Variants in GREM2 observed in about 807,000 individuals in gnomAD.
GREM2 encodes gremlin-2.
GREM2 carries 11 observed loss-of-function variants against 14.2 expected under a neutral mutation model. The ratio of observed to expected loss-of-function variants is 0.78; its 90% CI spans 0.49 to 1.28. GREM2 has a LOEUF of 1.28. GREM2 is among the 50% of genes most tolerant of loss of function. The probability of loss-of-function intolerance (pLI) is 0.00; values close to 1 mark genes in which losing one functional copy is unlikely to be tolerated. For synonymous variants in GREM2, 98 were observed against 97.6 expected (o/e 1.00, Z -0.02); for missense variants, 210 against 218.5 (o/e 0.96, Z 0.24).
intron 1 of GREM2, among the ~76,000 whole-genome samples, chr1:240,568,982 T>G (rs963507023): frequency 1.3e-5 from 2 of 151,948 alleles, no homozygotes; most frequent in Non-Finnish European, 2.9e-5. Flanking sequence ...ACCCAGAAGT[T>G]TGAGGCTGCA....
intron 1 of GREM2, among the ~76,000 whole-genome samples, chr1:240,511,245 T>A (rs1677819029): frequency 6.6e-6 from 1 of 152,140 alleles, no homozygotes; most frequent in African/African-American, 2.4e-5. Flanking sequence ...AGGTTCCACA[T>A]CTGCCTATCA....
intron 1 of GREM2, among the ~76,000 whole-genome samples, chr1:240,520,865 G>A (rs1014937793): frequency 1.5e-5 from 2 of 134,766 alleles, no homozygotes; most frequent in Non-Finnish European, 3.2e-5. Flanking sequence ...TTTTACATAT[G>A]TTTATCTTTT....
rs1050531997 is a variant in GREM2, at chr1:240,542,621, A to C, written c.-1-49145T>G. 2.0e-5 allele frequency among the ~76,000 whole-genome samples: 3 copies of C among 151,726 alleles called. No homozygotes were observed. In the South Asian group the frequency reaches 6.2e-4, roughly 31 times the overall value. On this transcript the variant is annotated intron_variant, in intron 1 of 1. Transcript: ENST00000318160. This position sits in a 1 kb window ranked among gnomAD's most constrained non-coding sequence, Gnocchi z 4.1. Reference sequence around the variant, plus strand: ...AGAGCGAGACTCCATCTCAAAAATAAATAAATAAATAAATAAATAAAAATT... The same window carrying C: ...AGAGCGAGACTCCATCTCAAAAATACATAAATAAATAAATAAATAAAAATT...
At chr1:240,606,807 T>TA (rs1680034867) in intron 1 of GREM2, among the ~76,000 whole-genome samples, 1 of 151,820 alleles carries the variant, frequency 6.6e-6, no homozygotes, top group Non-Finnish European at 1.5e-5. Context: ...GCCTCCCAAG[T>TA]AGCTGGGATT....
At chr1:240,516,127 CTTT>C (rs34728833) in intron 1 of GREM2, among the ~76,000 whole-genome samples, 2 of 143,506 alleles carry the variant, frequency 1.4e-5, no homozygotes, top group African/African-American at 2.6e-5. Flanking sequence ...CCAACCCTGA[CTTT>C]TTTTTTTTTT....
chr1:240,528,460 C>T (rs1478526363), intron 1 of GREM2, among the ~76,000 whole-genome samples: 1 of 152,034 alleles, frequency 6.6e-6, no homozygotes, highest in Non-Finnish European at 1.5e-5. Context: ...TCTCCAAACC[C>T]TAATATTTTA....
chr1:240,586,193 C>T (rs977673969), intron 1 of GREM2, among the ~76,000 whole-genome samples: 2 of 152,174 alleles, frequency 1.3e-5, no homozygotes, highest in South Asian at 2.1e-4. Context: ...AAATCATCTC[C>T]GGAGGATAGA....
intron 1 of GREM2, among the ~76,000 whole-genome samples, chr1:240,564,971 GTGT>G (rs1486358514): frequency 6.6e-6 from 1 of 152,218 alleles, no homozygotes; most frequent in Non-Finnish European, 1.5e-5. Context: ...CAGGAATACT[GTGT>G]TGACTTCCTT....
chr1:240,503,033 A>G (rs976269853), intron 1 of GREM2, among the ~76,000 whole-genome samples: 6 of 152,198 alleles, frequency 3.9e-5, no homozygotes, highest in African/African-American at 1.2e-4. Context: ...TTAGGCAAGG[A>G]TGTGATGACT....
Position 240,493,402 on chromosome 1 carries a change from C to A in GREM2, c.74G>T (p.Arg25Leu). 1 of 1,613,464 alleles carries A rather than the reference C, an allele frequency of 6.2e-7. No individual in the cohort carries two copies. ...LVKVAEARKN[R>L]PAGAIPSPYK... ...AGGCGAGGGGATGGCGCCCGCCGGC[C>A]GGTTCTTCCGGGCTTCCGCCACCTT... The change falls in exon 2 of 2, where the codon CGG (arginine) becomes CTG (leucine). Residue 25 changes from arginine (R) to leucine (L), a missense_variant. Physicochemically the swap from Arg to Leu is moderately radical, Grantham distance 102. Transcript: ENST00000318160.
intron 1 of GREM2, among the ~76,000 whole-genome samples, chr1:240,521,562 C>G (rs924615491): frequency 2.0e-5 from 3 of 151,900 alleles, no homozygotes; most frequent in Non-Finnish European, 4.4e-5. Flanking sequence ...CAGTGTGAGA[C>G]TCCGTCTCAA....
chr1:240,539,343 G>A (rs1218582043), intron 1 of GREM2, among the ~76,000 whole-genome samples: 1 of 152,074 alleles, frequency 6.6e-6, no homozygotes, highest in East Asian at 1.9e-4. Flanking sequence ...CCCTACTCAG[G>A]ATCCACTCCA....
At chr1:240,555,218 T>C (rs1558161060) in intron 1 of GREM2, among the ~76,000 whole-genome samples, 1 of 152,292 alleles carries the variant, frequency 6.6e-6, no homozygotes, top group East Asian at 1.9e-4. Context: ...TATTTTGTAA[T>C]ATTGAAGAAT....
At chr1:240,581,121 A>G (rs948764809) in intron 1 of GREM2, among the ~76,000 whole-genome samples, 39 of 152,012 alleles carry the variant, frequency 2.6e-4, no homozygotes, top group African/African-American at 9.4e-4. Flanking sequence ...GTAGTGGTGC[A>G]TGCCTGTAGT....
intron 1 of GREM2, among the ~76,000 whole-genome samples, chr1:240,498,893 G>C (rs1486905517): frequency 6.6e-6 from 1 of 152,186 alleles, no homozygotes; most frequent in Non-Finnish European, 1.5e-5. Context: ...ATTTACAAGG[G>C]GTGCCAGGAC....
chr1:240,567,867 G>T (rs1211886585), intron 1 of GREM2, among the ~76,000 whole-genome samples: 2 of 152,182 alleles, frequency 1.3e-5, no homozygotes, highest in Non-Finnish European at 2.9e-5. Context: ...CCAGCACTTT[G>T]GGAGGTTGAG....
intron 1 of GREM2, among the ~76,000 whole-genome samples, chr1:240,577,457 T>G (rs10926303): frequency 0.32 from 48,782 of 152,146 alleles, 9,979 homozygotes; most frequent in African/African-American, 0.58. Context: ...AATTAAGGGC[T>G]TTTCTTTGTT....
rs148639192 is a variant in GREM2 at position 240,529,411 on chromosome 1, C to T, written c.-1-35935G>A. 2.8e-3 allele frequency among the ~76,000 whole-genome samples: 420 copies of T among 152,142 alleles called. 4 individuals are homozygous for T. The highest frequency in any genetic ancestry group is 9.6e-3 in the African/African-American group (399 of 41,518). ...GATAACAGCTCATTTAACAAAATCT[C>T]GGTCTTCCCATGTTGTCATTCTCAT... is the stretch of plus-strand genomic sequence containing the variant. On this transcript the variant is annotated intron_variant, in intron 1 of 1. Coordinates refer to ENST00000318160, the MANE Select transcript of GREM2 (RefSeq NM_022469.4).
chr1:240,582,587 G>T (rs916343026), intron 1 of GREM2, among the ~76,000 whole-genome samples: 1 of 150,860 alleles, frequency 6.6e-6, no homozygotes, highest in Non-Finnish European at 1.5e-5. Flanking sequence ...CCGGAGGTCA[G>T]GAGTTCAAGA....
Sources: allele counts gnomAD v4.1 joint callset (sites outside exome capture counted in the v4.1 genomes callset), GRCh38; gene constraint gnomAD v4.1.1; non-coding constraint Gnocchi (gnomAD v3.1); transcripts MANE v1.5; gene names NCBI Gene and HGNC (gene_info 2026-07-23, HGNC 2026-07-21).